The following SMARCC1 variants were observed in gnomAD, a reference collection of about 807,000 sequenced individuals.
The protein encoded by SMARCC1 is SWI/SNF complex subunit SMARCC1.
In SMARCC1, 43 loss-of-function variants were observed where a neutral mutation model predicts 147.4. That is an observed-to-expected ratio of 0.29 (90% confidence interval 0.23 to 0.38). The LOEUF (loss-of-function observed/expected upper bound fraction) is 0.38. Ranked by LOEUF, SMARCC1 falls within the 10% of genes least tolerant of loss-of-function variation. SMARCC1 has a pLI of 1.00. For missense variants in SMARCC1, 1,119 were observed against 1,381.1 expected (o/e 0.81, Z 3.01); for synonymous variants, 495 against 484.4 (o/e 1.02, Z -0.29).
At chr3:47,779,035 G>A (rs977258232) in intron 1 of SMARCC1, among the ~76,000 whole-genome samples, 1 of 147,440 alleles carries the variant, frequency 6.8e-6, no homozygotes, top group Admixed American at 6.9e-5. Flanking sequence ...TCTTCCATTT[G>A]AAAAAGAAGG....
rs1411576367 is a variant in SMARCC1 at position 47,586,758 on chromosome 3, G to A, written c.*1451C>T. 2 of 152,544 alleles carry A rather than the reference G, an allele frequency of 1.3e-5. No individual in the cohort carries two copies. The highest frequency in any genetic ancestry group is 4.8e-5 in the African/African-American group (2 of 41,414). 9.4% of individuals were successfully genotyped at this position (152,544 alleles called of 1,614,324 possible). A position where few individuals can be genotyped will look rare whatever the true frequency, so the allele number is the denominator to read the frequency against. On this transcript the variant is annotated 3_prime_UTR_variant, in exon 28 of 28. Transcript: ENST00000254480. ...AGAATGTGAAGTGAGAAAGCCAGGCGCTTTGGAAACCAAGCTCTACCAAAA... is the reference window on the plus strand; with the variant it reads ...AGAATGTGAAGTGAGAAAGCCAGGCACTTTGGAAACCAAGCTCTACCAAAA...
intron 3 of SMARCC1, among the ~76,000 whole-genome samples, chr3:47,744,550 T>C (rs2034546144): frequency 6.6e-6 from 1 of 152,202 alleles, no homozygotes; most frequent in Non-Finnish European, 1.5e-5. Context: ...CATAAAGTAT[T>C]GGGTTAGCTT....
chr3:47,753,198 G>A (rs898988321), intron 2 of SMARCC1, among the ~76,000 whole-genome samples: 6 of 151,658 alleles, frequency 4.0e-5, no homozygotes, highest in Admixed American at 2.6e-4. Context: ...GGTGGGACAC[G>A]TCTGTAGTCC....
chr3:47,711,089 T>A lies in SMARCC1; in HGVS notation c.793-281A>T, dbSNP rs111241834. 5.9e-5 allele frequency among the ~76,000 whole-genome samples: 9 copies of A among 152,304 alleles called. 1 individual carries two copies. In the East Asian group the frequency reaches 1.7e-3, roughly 29 times the overall value. On this transcript the variant is annotated intron_variant, in intron 8 of 27. Transcript: ENST00000254480. Reference sequence around the variant, plus strand: ...CTTAATCATTTCATCCTTATGTTCATGAAAATCACTGATAAAAACATTCAA... The same window carrying A: ...CTTAATCATTTCATCCTTATGTTCAAGAAAATCACTGATAAAAACATTCAA...
At chr3:47,639,915 A>G (rs1363819820) in intron 21 of SMARCC1, among the ~76,000 whole-genome samples, 4 of 152,258 alleles carry the variant, frequency 2.6e-5, no homozygotes, top group Non-Finnish European at 5.9e-5. Context: ...CAATTAGGTG[A>G]TAATACACAT....
chr3:47,675,944 CAA>C (rs79032057), intron 17 of SMARCC1, among the ~76,000 whole-genome samples: 9 of 113,398 alleles, frequency 7.9e-5, no homozygotes, highest in Non-Finnish European at 1.3e-4. Flanking sequence ...GATTCCGTCT[CAA>C]AAAAAAAAAA....
chr3:47,654,358 C>T (rs943649643), intron 21 of SMARCC1, among the ~76,000 whole-genome samples: 6 of 152,142 alleles, frequency 3.9e-5, no homozygotes, highest in Non-Finnish European at 5.9e-5. Flanking sequence ...GACGTGACTT[C>T]GCCTGCTAAT....
At chr3:47,772,759 C>T in intron 2 of SMARCC1, 58 bp downstream of exon 2, 3 of 1,449,070 alleles carry the variant, frequency 2.1e-6, no homozygotes, top group South Asian at 1.4e-5. Context: ...CTGGATGCTA[C>T]ACCTAAAAGT....
chr3:47,588,130 G>T lies in SMARCC1; in HGVS notation c.*79C>A. On this transcript the variant is annotated 3_prime_UTR_variant, in exon 28 of 28. Transcript: ENST00000254480. ...AAGAAAAATCCTGAAAGAAACCCAA[G>T]AAAGTTGAGGAACACAAGTCTTGTC... 1 of 1,176,180 alleles carries T rather than the reference G, an allele frequency of 8.5e-7. No individual in the cohort carries two copies. Among genetic ancestry groups the T allele is most frequent in the Non-Finnish European group, 1.2e-6 (1 of 805,392 alleles). The allele number at this position is 1,176,180 out of a possible 1,614,324, so 72.9% of individuals were successfully genotyped here. A position where few individuals can be genotyped will look rare whatever the true frequency, so the allele number is the denominator to read the frequency against.
intron 19 of SMARCC1, among the ~76,000 whole-genome samples, chr3:47,668,800 G>A (rs370246321): frequency 9.2e-5 from 14 of 151,752 alleles, no homozygotes; most frequent in East Asian, 3.9e-4. Flanking sequence ...TGGGAGGATC[G>A]CCTGAGCTCG....
chr3:47,663,912 C>T, intron 19 of SMARCC1: 2 of 1,464,506 alleles, frequency 1.4e-6, no homozygotes, highest in South Asian at 2.3e-5. Context: ...CTAGCTGTCA[C>T]CGCTATGAAG....
chr3:47,592,520 A>C (rs1280441569), intron 26 of SMARCC1, among the ~76,000 whole-genome samples: 1 of 152,242 alleles, frequency 6.6e-6, no homozygotes, highest in Non-Finnish European at 1.5e-5. Context: ...ATTTCAACCT[A>C]GGCTGTAGGC....
chr3:47,711,473 C>G (rs1307321099), intron 8 of SMARCC1, among the ~76,000 whole-genome samples: 3 of 152,138 alleles, frequency 2.0e-5, no homozygotes, highest in Admixed American at 1.3e-4. Flanking sequence ...GGGGGCACAA[C>G]TGGAATTTGA....
At chr3:47,680,370 G>A (rs2033627863) in intron 15 of SMARCC1, 67 bp downstream of exon 15, 2 of 1,041,938 alleles carry the variant, frequency 1.9e-6, no homozygotes, top group Non-Finnish European at 3.0e-6. Flanking sequence ...AGGAACTCAG[G>A]TGGATGCTTG....
At position 47,645,800 on chromosome 3, in the gene SMARCC1, T is replaced by C. The variant is rs1363899876; in HGVS notation, c.2321-7020A>G. ...AAGGATGACACACCCACTTTCTGTA[T>C]TGGTAAGGCAAGCCAAATTTGAAAT... On this transcript the variant is annotated intron_variant, in intron 21 of 27. Transcript: ENST00000254480. Among the ~76,000 whole-genome samples the C allele has an allele frequency of 2.0e-5, 3 of 152,218 alleles. No homozygotes were observed. The East Asian group carries it at 5.8e-4, about 29-fold the overall frequency.
At chr3:47,642,127 CA>C (rs377024530) in intron 21 of SMARCC1, among the ~76,000 whole-genome samples, 40 of 150,996 alleles carry the variant, frequency 2.6e-4, no homozygotes, top group African/African-American at 9.7e-4. Context: ...TAAAAGACTC[CA>C]AAAAAAAGAA....
At chr3:47,609,813 T>C (rs1197022285) in intron 26 of SMARCC1, among the ~76,000 whole-genome samples, 4 of 152,196 alleles carry the variant, frequency 2.6e-5, no homozygotes, top group African/African-American at 9.7e-5. Context: ...AAATTCTGAA[T>C]GAACTCTGAG....
intron 6 of SMARCC1, among the ~76,000 whole-genome samples, chr3:47,728,184 T>G (rs532766194): frequency 2.1e-5 from 3 of 140,522 alleles, no homozygotes; most frequent in African/African-American, 7.9e-5. Flanking sequence ...TATCCCAGGT[T>G]CAAGCGATTC....
At chr3:47,701,600 G>A in intron 10 of SMARCC1, 198 bp from the exon 11 acceptor site, 1 of 532,954 alleles carries the variant, frequency 1.9e-6, no homozygotes, top group South Asian at 2.2e-5. Flanking sequence ...GGATCACTAA[G>A]GTCAGGAGTT....
Sources: allele counts gnomAD v4.1 joint callset (sites outside exome capture counted in the v4.1 genomes callset), GRCh38; gene constraint gnomAD v4.1.1; transcripts MANE v1.5; gene names NCBI Gene and HGNC (gene_info 2026-07-23, HGNC 2026-07-21).